Variants in DCBLD1 observed in about 807,000 individuals in gnomAD.
DCBLD1 encodes the protein discoidin, CUB and LCCL domain containing 1.
A neutral mutation model predicts 71.5 loss-of-function variants in DCBLD1; 57 were observed. The ratio of observed to expected loss-of-function variants is 0.80; its 90% CI spans 0.64 to 0.99. The LOEUF is 0.99. DCBLD1 is among the 50% of genes least tolerant of loss of function. The probability of loss-of-function intolerance (pLI) is 0.00; values close to 1 mark genes in which losing one functional copy is unlikely to be tolerated. For missense variants in DCBLD1, 891 were observed against 923.5 expected (o/e 0.96, Z 0.46); for synonymous variants, 380 against 363.8 (o/e 1.04, Z -0.51).
chr6:117,555,544 A>T (rs1410993336), intron 14 of DCBLD1, among the ~76,000 whole-genome samples: 1 of 152,170 alleles, frequency 6.6e-6, no homozygotes, highest in Non-Finnish European at 1.5e-5. Context: ...ATTGCTTCCT[A>T]AAGAATATGG....
chr6:117,565,317 T>G (rs1214302701), intron 14 of DCBLD1, among the ~76,000 whole-genome samples: 2 of 152,220 alleles, frequency 1.3e-5, no homozygotes, highest in Non-Finnish European at 2.9e-5. Context: ...CACACAGATA[T>G]GTAGTTGCTA....
chr6:117,499,937 G>C (rs1749338839), intron 1 of DCBLD1, among the ~76,000 whole-genome samples: 1 of 152,238 alleles, frequency 6.6e-6, no homozygotes, highest in Non-Finnish European at 1.5e-5. Flanking sequence ...ACAATCGCTT[G>C]AACCTGGGAG....
Position 117,549,658 on chromosome 6 carries a change from G to T in DCBLD1, c.*1219G>T, listed in dbSNP as rs1463080736. 3.0e-5 allele frequency: 30 copies of T among 985,274 alleles called. No homozygotes were observed. The highest frequency in any genetic ancestry group is 3.6e-5 in the Non-Finnish European group (30 of 829,934). The allele number at this position is 985,274 out of a possible 1,614,324, so 61.0% of individuals were successfully genotyped here. A position where few individuals can be genotyped will look rare whatever the true frequency, so the allele number is the denominator to read the frequency against. ...GTGTGGTTATTACATCCTGTGAAAT[G>T]TATATATGTTAAAATAATGGGGGTG... On this transcript the variant is annotated 3_prime_UTR_variant, in exon 15 of 15. Transcript: ENST00000338728.
chr6:117,563,514 G>A (rs1296710994), intron 14 of DCBLD1: 8 of 792,968 alleles, frequency 1.0e-5, no homozygotes, highest in Non-Finnish European at 1.6e-5. Context: ...CTGAGGTTAG[G>A]GGTTCGAGAC....
chr6:117,492,864 C>T (rs1333662429), intron 1 of DCBLD1, among the ~76,000 whole-genome samples: 1 of 152,184 alleles, frequency 6.6e-6, no homozygotes, highest in Non-Finnish European at 1.5e-5. Context: ...GGATATGGTG[C>T]ATAAACCTAC....
intron 2 of DCBLD1, among the ~76,000 whole-genome samples, chr6:117,514,810 T>G (rs1412497629): frequency 6.6e-6 from 1 of 152,116 alleles, no homozygotes; most frequent in Non-Finnish European, 1.5e-5. Flanking sequence ...TGAAACCAAA[T>G]TAGAGTTTTA....
At chr6:117,537,331 G>A (rs1778916286) in intron 7 of DCBLD1, 106 bp downstream of exon 7, 6 of 1,023,444 alleles carry the variant, frequency 5.9e-6, no homozygotes, top group East Asian at 2.6e-5. Flanking sequence ...TCAGGAGATC[G>A]AGACCATCCT....
intron 1 of DCBLD1, among the ~76,000 whole-genome samples, chr6:117,499,121 G>A (rs1229412758): frequency 6.6e-6 from 1 of 151,598 alleles, no homozygotes; most frequent in Admixed American, 6.6e-5. Flanking sequence ...AAGAATTTTA[G>A]GCTAGGTGCA....
chr6:117,507,675 A>G (rs1180821415), intron 2 of DCBLD1, among the ~76,000 whole-genome samples: 3 of 152,134 alleles, frequency 2.0e-5, no homozygotes, highest in African/African-American at 7.2e-5. Flanking sequence ...CTGTGATCCA[A>G]TTCAGGATCA....
intron 2 of DCBLD1, among the ~76,000 whole-genome samples, chr6:117,511,279 T>C (rs1380509685): frequency 1.3e-5 from 2 of 152,200 alleles, no homozygotes; most frequent in Non-Finnish European, 2.9e-5. Flanking sequence ...ATCACTTACG[T>C]AGAGTTCCAG....
At chr6:117,561,887 T>C (rs1779590548) in intron 14 of DCBLD1, 1 of 206,036 alleles carries the variant, frequency 4.9e-6, no homozygotes, top group African/African-American at 2.3e-5. Context: ...AACAAATATA[T>C]AGTGTATCTG....
chr6:117,563,398 G>GAA, intron 14 of DCBLD1: 1 of 1,582,792 alleles, frequency 6.3e-7, no homozygotes. Context: ...AAAGAAAGGA[G>GAA]AAAAAAAAAG....
chr6:117,537,529 A>G (rs568728821), intron 7 of DCBLD1, among the ~76,000 whole-genome samples: 3,050 of 147,436 alleles, frequency 0.021, 72 homozygotes, highest in African/African-American at 0.052. Context: ...GCGAGACTCC[A>G]TCTCAAAAAA....
intron 1 of DCBLD1, chr6:117,503,540 T>C (rs896332666): frequency 1.8e-6 from 1 of 550,132 alleles, no homozygotes; most frequent in African/African-American, 1.9e-5. Flanking sequence ...CGTTCTAATG[T>C]GTGAAATGTT....
At chr6:117,489,808 C>T (rs997322490) in intron 1 of DCBLD1, among the ~76,000 whole-genome samples, 1 of 152,164 alleles carries the variant, frequency 6.6e-6, no homozygotes, top group African/African-American at 2.4e-5. Flanking sequence ...TGGCGTGAAC[C>T]CGGGAGGCGG....
chr6:117,519,693 A>G (rs928724102), intron 2 of DCBLD1, 123 bp from the exon 3 acceptor site: 1 of 1,272,266 alleles, frequency 7.9e-7, no homozygotes, highest in Non-Finnish European at 1.1e-6. Context: ...CAGTTGGTAA[A>G]GATTATAATC....
At position 117,549,190 on chromosome 6, in the gene DCBLD1, G is replaced by A. The variant is rs1562128647; in HGVS notation, c.*751G>A. ...CCATGAAGGTGGCACAGGAATTACA[G>A]TGTGAATGGCTGTGTCAGATGTTTT... On this transcript the variant is annotated 3_prime_UTR_variant, in exon 15 of 15. Transcript: ENST00000338728. 2 of 985,354 alleles carry A rather than the reference G, an allele frequency of 2.0e-6. No homozygotes were observed. The highest frequency in any genetic ancestry group is 2.4e-6 in the Non-Finnish European group (2 of 829,956). 61.0% of individuals were successfully genotyped at this position (985,354 alleles called of 1,614,324 possible). A position where few individuals can be genotyped will look rare whatever the true frequency, so the allele number is the denominator to read the frequency against.
chr6:117,519,849 A>G lies in DCBLD1; in HGVS notation c.359A>G (p.Glu120Gly), dbSNP rs1335179922. ...PYCGSMTVPK[E>G]LLLNTSEVTV... ...TGTGGAAGTATGACTGTTCCCAAAG[A>G]ACTCTTGTTGAACACAAGTGAAGTA... Residue 120 changes from glutamate to glycine, a missense_variant, in exon 3 of 15, where the codon GAA becomes GGA. Coordinates refer to ENST00000338728, the MANE Select transcript of DCBLD1 (RefSeq NM_001366458.2). 2 of 1,614,106 alleles carry G rather than the reference A, an allele frequency of 1.2e-6. No individual in the cohort carries two copies. Among genetic ancestry groups the G allele is most frequent in the South Asian group, 1.1e-5 (1 of 91,080 alleles).
chr6:117,558,278 G>A lies in DCBLD1; in HGVS notation c.1616-11342G>A, dbSNP rs12177910. ...ATTGTAGGAGGTAAGGCCTCCTTGG[G>A]AGCTGCCCCCCTCCATCCATTTCTG... On this transcript the variant is annotated intron_variant, in intron 14 of 14. Coordinates refer to the DCBLD1 transcript ENST00000296955. Among the ~76,000 whole-genome samples the A allele has an allele frequency of 7.7e-3, 1,166 of 152,244 alleles. 21 individuals carry two copies. The highest frequency in any genetic ancestry group is 0.025 in the African/African-American group (1,043 of 41,542).
Sources: gnomAD v4.1 joint callset for allele counts (sites outside exome capture counted in the v4.1 genomes callset) on GRCh38, gnomAD v4.1.1 for gene constraint, MANE v1.5 for transcripts, NCBI Gene and HGNC (gene_info 2026-07-23, HGNC 2026-07-21) for gene names.